MIGA1: variants seen among roughly 807,000 people sequenced by gnomAD.
The protein encoded by MIGA1 is family with sequence similarity 73, member A.
MIGA1 carries 58 observed loss-of-function variants against 82.0 expected under a neutral mutation model. The ratio of observed to expected loss-of-function variants is 0.71; its 90% CI spans 0.57 to 0.88. The LOEUF (loss-of-function observed/expected upper bound fraction) is 0.88, where lower values mean the gene tolerates loss of function less well. Among genes scored for constraint, MIGA1 ranks in the 40% least tolerant of loss-of-function variants. MIGA1 has a pLI of 0.00. For synonymous variants in MIGA1, 249 were observed against 253.6 expected, an observed-to-expected ratio of 0.98 and a Z score of 0.17; for missense variants, 751 against 749.1, an observed-to-expected ratio of 1.00 and a Z score of -0.03.
intron 7 of MIGA1, among the ~76,000 whole-genome samples, chr1:77,831,461 A>G (rs935917012): frequency 4.0e-5 from 6 of 151,366 alleles, no homozygotes; most frequent in Non-Finnish European, 8.8e-5. Context: ...AAAAATATAT[A>G]TTTATATATT....
At chr1:77,805,164 T>C (rs1245900981) in intron 4 of MIGA1, among the ~76,000 whole-genome samples, 3 of 151,308 alleles carry the variant, frequency 2.0e-5, no homozygotes, top group Non-Finnish European at 2.9e-5. Context: ...CCGGCTAATT[T>C]TTTGTATTTT....
intron 1 of MIGA1, chr1:77,780,137 A>C: frequency 1.0e-6 from 1 of 993,224 alleles, no homozygotes; most frequent in Non-Finnish European, 1.2e-6. Context: ...AAAGGAAGAC[A>C]GCAGAGGAGA....
intron 2 of MIGA1, among the ~76,000 whole-genome samples, chr1:77,789,694 C>T (rs1319250201): frequency 1.3e-5 from 2 of 151,326 alleles, no homozygotes; most frequent in African/African-American, 2.4e-5. Context: ...TCATATTTGG[C>T]CAGTGAGAGT....
At chr1:77,779,897 G>T (rs1243013672) in intron 1 of MIGA1, 161 bp downstream of exon 1, 14 of 1,412,254 alleles carry the variant, frequency 9.9e-6, no homozygotes, top group Non-Finnish European at 1.2e-5. Flanking sequence ...AAAGCCAGAG[G>T]GTCTACGGCC....
intron 8 of MIGA1, among the ~76,000 whole-genome samples, chr1:77,849,746 A>G (rs1465018949): frequency 6.6e-6 from 1 of 152,184 alleles, no homozygotes; most frequent in African/African-American, 2.4e-5. Flanking sequence ...CTATGAAAGT[A>G]TGAAGGCATG....
intron 8 of MIGA1, among the ~76,000 whole-genome samples, chr1:77,845,543 A>G (rs1390759918): frequency 6.6e-6 from 1 of 152,236 alleles, no homozygotes; most frequent in Non-Finnish European, 1.5e-5. Flanking sequence ...ATGCATGAAT[A>G]TACATGAAAA....
At chr1:77,784,513 G>C (rs1158446074) in intron 2 of MIGA1, among the ~76,000 whole-genome samples, 1 of 152,096 alleles carries the variant, frequency 6.6e-6, no homozygotes, top group Non-Finnish European at 1.5e-5. Flanking sequence ...GGTGTCAGCT[G>C]GTTCACCCAG....
chr1:77,799,068 T>G (rs1310969919), intron 2 of MIGA1, among the ~76,000 whole-genome samples: 3 of 152,212 alleles, frequency 2.0e-5, no homozygotes, highest in Non-Finnish European at 4.4e-5. Flanking sequence ...ACTTGGTTAT[T>G]TATATATTTT....
At chr1:77,856,794 C>A (rs1273340873) in intron 8 of MIGA1, among the ~76,000 whole-genome samples, 1 of 151,978 alleles carries the variant, frequency 6.6e-6, no homozygotes, top group Non-Finnish European at 1.5e-5. Context: ...TGCTAAAGGT[C>A]TATCAATTTT....
At chr1:77,807,822 C>T (rs905747222) in intron 5 of MIGA1, among the ~76,000 whole-genome samples, 1 of 151,972 alleles carries the variant, frequency 6.6e-6, no homozygotes, top group Non-Finnish European at 1.5e-5. Flanking sequence ...CTATCTCTCC[C>T]TCTCTCTCTT....
chr1:77,854,656 T>C (rs1490798724), intron 8 of MIGA1, among the ~76,000 whole-genome samples: 1 of 152,226 alleles, frequency 6.6e-6, no homozygotes, highest in African/African-American at 2.4e-5. Context: ...ATCATAGTGA[T>C]GTTGAGCATT....
At chr1:77,799,754 A>G (rs1340870187) in intron 2 of MIGA1, among the ~76,000 whole-genome samples, 1 of 150,978 alleles carries the variant, frequency 6.6e-6, no homozygotes, top group East Asian at 1.9e-4. Context: ...TGAGGTCTGC[A>G]GTAATGACTC....
At chr1:77,871,125 G>GGGAGAGGGAGAGGGAGGGGGAGAGGGA (rs149246341) in intron 14 of MIGA1, among the ~76,000 whole-genome samples, 1 of 74,216 alleles carries the variant, frequency 1.3e-5, no homozygotes, top group Non-Finnish European at 2.6e-5. Flanking sequence ...GAGAGGGAGA[G>GGGAGAGGGAGAGGGAGGGGGAGAGGGA]GAGGGAGAGG....
chr1:77,799,353 G>A (rs1682782827), intron 2 of MIGA1, among the ~76,000 whole-genome samples: 1 of 152,172 alleles, frequency 6.6e-6, no homozygotes. Context: ...GTAGACTAAT[G>A]TATTAATAAG....
chr1:77,845,776 A>G (rs1684815244), intron 8 of MIGA1, among the ~76,000 whole-genome samples: 2 of 152,128 alleles, frequency 1.3e-5, no homozygotes, highest in African/African-American at 2.4e-5. Flanking sequence ...CAAGTTTTTG[A>G]TCGTTCGAAA....
chr1:77,822,417 T>A (rs1233031490), intron 7 of MIGA1, among the ~76,000 whole-genome samples: 1 of 152,112 alleles, frequency 6.6e-6, no homozygotes, highest in Non-Finnish European at 1.5e-5. Context: ...CAGAGTGAGA[T>A]CCTGTCTCTA....
chr1:77,871,094 G>C (rs1255983234), intron 14 of MIGA1, among the ~76,000 whole-genome samples: 2 of 53,378 alleles, frequency 3.7e-5, no homozygotes, highest in Non-Finnish European at 8.5e-5. Flanking sequence ...CCGTGGGAAG[G>C]GGGAGAGGGA....
At chr1:77,808,130 C>CTTTTTTTTTT (rs754585009) in intron 5 of MIGA1, among the ~76,000 whole-genome samples, 1 of 137,036 alleles carries the variant, frequency 7.3e-6, no homozygotes. Flanking sequence ...ACCTTTCTCT[C>CTTTTTTTTTT]TTTTTTTTTT....
chr1:77,871,085 C>T (rs184730563), intron 14 of MIGA1, among the ~76,000 whole-genome samples: 2,192 of 68,496 alleles, frequency 0.032, 18 homozygotes, highest in South Asian at 0.12. Flanking sequence ...GGAAGGAGAC[C>T]GTGGGAAGGG....
Sources: allele counts gnomAD v4.1 joint callset (sites outside exome capture counted in the v4.1 genomes callset), GRCh38; gene constraint gnomAD v4.1.1; transcripts MANE v1.5; gene names NCBI Gene and HGNC (gene_info 2026-07-23, HGNC 2026-07-21).